BRAF: variants seen among roughly 807,000 people sequenced by gnomAD.
BRAF encodes the protein serine/threonine-protein kinase B-raf.
Under a neutral mutation model 104.6 loss-of-function variants are expected in BRAF, and 16 were observed. The observed-to-expected ratio is 0.15, with a 90% CI of 0.10 to 0.23. The LOEUF (loss-of-function observed/expected upper bound fraction) is 0.23. BRAF is among the 10% of genes least tolerant of loss of function. BRAF has a pLI of 1.00. For synonymous variants in BRAF, 310 were observed against 341.6 expected (o/e 0.91, Z 1.02); for missense variants, 541 against 937.3 (o/e 0.58, Z 5.52).
rs727502904 is a variant in BRAF, at chr7:140,734,763, G to A, written c.2255C>T (p.Ala752Val). 1 of 1,383,072 alleles carries A rather than the reference G, an allele frequency of 7.2e-7. No homozygotes were observed. The highest frequency in any genetic ancestry group is 9.4e-7 in the Non-Finnish European group (1 of 1,069,142). The allele number at this position is 1,383,072 out of a possible 1,614,324, so 85.7% of individuals were successfully genotyped here. A position where few individuals can be genotyped will look rare whatever the true frequency, so the allele number is the denominator to read the frequency against. The change falls in exon 19 of 20, where the codon GCC becomes GTC. Residue 752 changes from alanine to valine, a missense_variant. By Grantham distance (64) the Ala-to-Val change is moderately conservative. Around this residue, in one of 10 missense-constraint regions of BRAF, gnomAD observed 129 missense variants for 285.8 expected, o/e 0.45. Transcript: ENST00000644969. ...DERPLFPQIL[A>V]SIELLARSLP... ...TGAGCGGGCCAGCAGCTCAATAGAG[G>A]CGAGAATCTACAAAAAAAAAAAGAA...
intron 3 of BRAF, among the ~76,000 whole-genome samples, chr7:140,828,025 T>C (rs1019727315): frequency 1.3e-5 from 2 of 152,070 alleles, no homozygotes; most frequent in Non-Finnish European, 1.5e-5. Flanking sequence ...GCCTCCCAAA[T>C]AGCTGGGTTA....
intron 17 of BRAF, chr7:140,741,504 G>C (rs889961037): frequency 6.6e-6 from 1 of 152,146 alleles, no homozygotes; most frequent in Non-Finnish European, 1.5e-5. Context: ...TACACACCTA[G>C]AAGTAATAAT....
intron 14 of BRAF, among the ~76,000 whole-genome samples, chr7:140,764,106 A>C (rs1799063882): frequency 1.3e-5 from 2 of 152,198 alleles, no homozygotes; most frequent in African/African-American, 4.8e-5. Context: ...ACCATGATCA[A>C]GTGGGCTTCA....
intron 14 of BRAF, among the ~76,000 whole-genome samples, chr7:140,762,512 T>C (rs1431974535): frequency 6.7e-6 from 1 of 148,624 alleles, no homozygotes; most frequent in Non-Finnish European, 1.5e-5. Flanking sequence ...ATTCAAAAGC[T>C]AGCAGAAGGC....
chr7:140,889,975 C>G (rs1335465938), intron 1 of BRAF, among the ~76,000 whole-genome samples: 1 of 152,196 alleles, frequency 6.6e-6, no homozygotes, highest in Non-Finnish European at 1.5e-5. Flanking sequence ...AGCTGCATAA[C>G]CTTTCTAAAC....
At chr7:140,767,876 A>G (rs985057735) in intron 14 of BRAF, among the ~76,000 whole-genome samples, 3 of 152,218 alleles carry the variant, frequency 2.0e-5, no homozygotes, top group Non-Finnish European at 2.9e-5. Flanking sequence ...TAATGTATAT[A>G]AAGTACACAG....
chr7:140,912,089 G>A (rs1042336285), intron 1 of BRAF, among the ~76,000 whole-genome samples: 2 of 152,178 alleles, frequency 1.3e-5, no homozygotes, highest in African/African-American at 2.4e-5. Context: ...GGAGTTGGAG[G>A]CTGCAGTGAG....
At position 140,724,247 on chromosome 7, in the gene BRAF, G is replaced by T. The variant is rs566671319; in HGVS notation, c.*2247C>A. The T allele has an allele frequency of 8.6e-5, 91 of 1,059,210 alleles. No individual in the cohort carries two copies. The highest frequency in any genetic ancestry group is 9.3e-5 in the Non-Finnish European group (81 of 875,524). 65.6% of individuals were successfully genotyped at this position (1,059,210 alleles called of 1,614,324 possible). On this transcript the variant is annotated 3_prime_UTR_variant, in exon 20 of 20. Coordinates refer to ENST00000644969, the MANE Select transcript of BRAF (RefSeq NM_001374258.1). ...GCAGTCCCGGACCCAGGCTGCACAT[G>T]TTCTACCTCCTCAGCAGGACATGAA...
intron 1 of BRAF, among the ~76,000 whole-genome samples, chr7:140,902,888 G>C (rs1349216286): frequency 6.6e-6 from 1 of 151,372 alleles, no homozygotes; most frequent in Non-Finnish European, 1.5e-5. Context: ...CTAAGTCAAT[G>C]GTTGGCTTCA....
intron 14 of BRAF, 38 bp from the exon 14 acceptor site, chr7:140,754,271 A>G (rs1176823782): frequency 1.3e-6 from 2 of 1,595,794 alleles, no homozygotes; most frequent in East Asian, 2.2e-5. Context: ...GAGTAGGGCT[A>G]AAGGACTCTG....
intron 1 of BRAF, among the ~76,000 whole-genome samples, chr7:140,853,334 G>A (rs57146841): frequency 0.085 from 12,853 of 151,920 alleles, 1,756 homozygotes; most frequent in African/African-American, 0.29. Flanking sequence ...CTGTGATCGC[G>A]CCACCCCAAC....
Position 140,724,793 on chromosome 7 carries a change from T to C in BRAF, c.*1701A>G. The C allele has an allele frequency of 2.9e-6, 3 of 1,035,344 alleles. No individual in the cohort carries two copies. The South Asian group carries it at 1.4e-4, about 48-fold the overall frequency. 64.1% of individuals were successfully genotyped at this position (1,035,344 alleles called of 1,614,324 possible). A position where few individuals can be genotyped will look rare whatever the true frequency, so the allele number is the denominator to read the frequency against. On this transcript the variant is annotated 3_prime_UTR_variant, in exon 20 of 20. Transcript: ENST00000644969. ...CTTGGCTATAGCTTGGTTGGTCTGA[T>C]TTGATTTGTGTTCCTAAATTCTGAG...
At chr7:140,913,149 C>A (rs1196245660) in intron 1 of BRAF, among the ~76,000 whole-genome samples, 2 of 152,072 alleles carry the variant, frequency 1.3e-5, no homozygotes, top group Non-Finnish European at 2.9e-5. Context: ...CCCATCCCAG[C>A]CCTAAACTGT....
At chr7:140,813,597 G>A (rs1296069792) in intron 3 of BRAF, among the ~76,000 whole-genome samples, 1 of 152,150 alleles carries the variant, frequency 6.6e-6, no homozygotes, top group East Asian at 1.9e-4. Context: ...TATATCAAAA[G>A]TCTAGAAAGA....
chr7:140,886,818 G>A (rs1331029130), intron 1 of BRAF, among the ~76,000 whole-genome samples: 2 of 152,148 alleles, frequency 1.3e-5, no homozygotes, highest in Non-Finnish European at 2.9e-5. Flanking sequence ...TCTGATTGCA[G>A]AGACCACATC....
rs1376158790 is a variant in BRAF at position 140,863,524 on chromosome 7, CT to C, written c.139-13313del. Among the ~76,000 whole-genome samples, 4 of 152,310 alleles carry C rather than the reference CT, an allele frequency of 2.6e-5. No homozygotes were observed. In the East Asian group the frequency reaches 7.7e-4, roughly 29 times the overall value. The stretch of plus-strand genomic sequence containing the variant: ...GTGACATAATCTGATTTATATTTTA[CT>C]AACAATTTACTTCTGATATGGTTTG... On this transcript the variant is annotated intron_variant, in intron 1 of 19. Coordinates refer to ENST00000644969, the MANE Select transcript of BRAF (RefSeq NM_001374258.1).
chr7:140,724,250 C>T lies in BRAF; in HGVS notation c.*2244G>A. On this transcript the variant is annotated 3_prime_UTR_variant, in exon 20 of 20. Coordinates refer to ENST00000644969, the MANE Select transcript of BRAF (RefSeq NM_001374258.1). The stretch of plus-strand genomic sequence containing the variant: ...GTCCCGGACCCAGGCTGCACATGTT[C>T]TACCTCCTCAGCAGGACATGAAACA... 1 of 1,059,350 alleles carries T rather than the reference C, an allele frequency of 9.4e-7. No homozygotes were observed. The highest frequency in any genetic ancestry group is 1.1e-6 in the Non-Finnish European group (1 of 875,574). 65.6% of individuals were successfully genotyped at this position (1,059,350 alleles called of 1,614,324 possible).
At chr7:140,815,230 C>G (rs1367054902) in intron 3 of BRAF, among the ~76,000 whole-genome samples, 1 of 151,714 alleles carries the variant, frequency 6.6e-6, no homozygotes, top group Non-Finnish European at 1.5e-5. Flanking sequence ...CTCCACCTCC[C>G]GGGCTCACGC....
In BRAF at chr7:140,828,538, GTAATA is replaced by G. The variant is rs1806334884; in HGVS notation, c.504+6066_504+6070del. Among the ~76,000 whole-genome samples the G allele has an allele frequency of 2.0e-5, 3 of 152,284 alleles. No homozygotes were observed. The South Asian group carries it at 6.2e-4, about 32-fold the overall frequency. ...TGTGATATACATAAAGAATAAGTAA[GTAATA>G]TCAGAGTTTCCAACAGCTTTCCTTT... is the stretch of plus-strand genomic sequence containing the variant. On this transcript the variant is annotated intron_variant, in intron 3 of 19. Coordinates refer to ENST00000644969, the MANE Select transcript of BRAF (RefSeq NM_001374258.1).
Sources: allele counts gnomAD v4.1 joint callset (sites outside exome capture counted in the v4.1 genomes callset), GRCh38; gene constraint gnomAD v4.1.1; regional missense constraint gnomAD v4.1.1; transcripts MANE v1.5; gene names NCBI Gene and HGNC (gene_info 2026-07-23, HGNC 2026-07-21).